STRN3: variants seen among roughly 807,000 people sequenced by gnomAD.
STRN3 encodes striatin-3.
In STRN3, 29 loss-of-function variants were observed where a neutral mutation model predicts 95.6. The ratio of observed to expected loss-of-function variants is 0.30; its 90% CI spans 0.23 to 0.41. The LOEUF (loss-of-function observed/expected upper bound fraction) is 0.41. Among genes scored for constraint, STRN3 ranks in the 10% least tolerant of loss-of-function variants. STRN3 has a pLI of 1.00. For synonymous variants in STRN3, 331 were observed against 357.6 expected (o/e 0.93, Z 0.84); for missense variants, 890 against 972.1 (o/e 0.92, Z 1.12).
At chr14:31,024,696 C>T (rs1297523185) in intron 1 of STRN3, among the ~76,000 whole-genome samples, 1 of 152,134 alleles carries the variant, frequency 6.6e-6, no homozygotes, top group Non-Finnish European at 1.5e-5. Context: ...TTAATCCAAT[C>T]CTCCTCCTTT....
At chr14:30,898,660 T>A (rs147122840) in intron 16 of STRN3, among the ~76,000 whole-genome samples, 33 of 152,288 alleles carry the variant, frequency 2.2e-4, no homozygotes, top group African/African-American at 3.9e-4. Flanking sequence ...AACGAGGACC[T>A]CTCCTTCACT....
chr14:30,978,055 G>C (rs773246085), intron 1 of STRN3, among the ~76,000 whole-genome samples: 5 of 152,024 alleles, frequency 3.3e-5, no homozygotes, highest in Non-Finnish European at 5.9e-5. Context: ...TGCACAGATG[G>C]GCTCTAGGGT....
intron 7 of STRN3, among the ~76,000 whole-genome samples, chr14:30,929,979 A>AAAAAAAAAAAAAT (rs1566441550): frequency 1.4e-5 from 2 of 147,388 alleles, no homozygotes; most frequent in Non-Finnish European, 3.0e-5. Context: ...AAAAAAAAAA[A>AAAAAAAAAAAAAT]CTCAAATTCC....
At chr14:31,005,008 A>G (rs1594571970) in intron 1 of STRN3, among the ~76,000 whole-genome samples, 1 of 152,200 alleles carries the variant, frequency 6.6e-6, no homozygotes, top group East Asian at 1.9e-4. Flanking sequence ...AGGTGAAAAG[A>G]GGAAAGGTAT....
chr14:30,909,499 G>C (rs1342961470), intron 13 of STRN3, among the ~76,000 whole-genome samples: 1 of 151,046 alleles, frequency 6.6e-6, no homozygotes, highest in Non-Finnish European at 1.5e-5. Context: ...GAGAGAGAGA[G>C]ATTGGGTCTC....
At chr14:30,910,434 G>C (rs887097255) in intron 13 of STRN3, among the ~76,000 whole-genome samples, 8 of 152,174 alleles carry the variant, frequency 5.3e-5, no homozygotes, top group African/African-American at 1.9e-4. Flanking sequence ...AAAGAACAAA[G>C]AGTTCATAAA....
intron 7 of STRN3, among the ~76,000 whole-genome samples, chr14:30,933,905 CTTAGT>C (rs1329662177): frequency 1.3e-5 from 2 of 152,102 alleles, no homozygotes; most frequent in Non-Finnish European, 2.9e-5. Flanking sequence ...ATTAGCAATA[CTTAGT>C]TTAAACACAT....
intron 5 of STRN3, among the ~76,000 whole-genome samples, chr14:30,938,932 T>C (rs1878959160): frequency 6.6e-6 from 1 of 152,186 alleles, no homozygotes; most frequent in Admixed American, 6.5e-5. Flanking sequence ...CTCAGGTTTT[T>C]CCCTGCCTTC....
chr14:31,019,246 C>T lies in STRN3; in HGVS notation c.282+6658G>A, dbSNP rs75784919. Among the ~76,000 whole-genome samples, 753 of 152,230 alleles carry T rather than the reference C, an allele frequency of 4.9e-3. 3 individuals carry two copies. The highest frequency in any genetic ancestry group is 0.017 in the African/African-American group (697 of 41,534). ...CTATTTGAACCCAAGAGTTTTGAGGCTGCAGTGAGCTACGATCGCACCACT... is the reference window on the plus strand; with the variant it reads ...CTATTTGAACCCAAGAGTTTTGAGGTTGCAGTGAGCTACGATCGCACCACT... On this transcript the variant is annotated intron_variant, in intron 1 of 17. Coordinates refer to ENST00000357479, the MANE Select transcript of STRN3 (RefSeq NM_001083893.2).
intron 1 of STRN3, among the ~76,000 whole-genome samples, chr14:30,960,261 A>C (rs904721223): frequency 1.3e-5 from 2 of 152,132 alleles, no homozygotes; most frequent in Non-Finnish European, 2.9e-5. Flanking sequence ...GTACTGCTTG[A>C]GCCCAGGAGG....
chr14:30,900,372 A>C (rs1203280244), intron 16 of STRN3, among the ~76,000 whole-genome samples: 2 of 148,226 alleles, frequency 1.3e-5, no homozygotes, highest in Admixed American at 6.7e-5. Context: ...AAAAAAAAAA[A>C]AAACCACACC....
At position 30,913,702 on chromosome 14, in the gene STRN3, G is replaced by A. The variant is rs771078222; in HGVS notation, c.1241-45C>T. 5.0e-6 allele frequency: 8 copies of A among 1,584,794 alleles called. No individual in the cohort carries two copies. The South Asian group carries it at 9.2e-5, about 18-fold the overall frequency. On this transcript the variant is annotated intron_variant, in intron 9 of 17. Coordinates refer to ENST00000357479, the MANE Select transcript of STRN3 (RefSeq NM_001083893.2). ...TTCTTAAATGCTGAAAAATCATACA[G>A]TACAAGACAATATTGTGGGGAAAAT...
intron 10 of STRN3, 24 bp from the exon 11 acceptor site, chr14:30,912,206 T>C (rs374998447): frequency 3.1e-6 from 5 of 1,605,362 alleles, no homozygotes; most frequent in Admixed American, 3.4e-5. Context: ...GCACAATATT[T>C]AGTGGTAAAA....
At chr14:31,017,877 A>T (rs1291500413) in intron 1 of STRN3, among the ~76,000 whole-genome samples, 1 of 151,970 alleles carries the variant, frequency 6.6e-6, no homozygotes, top group Non-Finnish European at 1.5e-5. Context: ...GGAGTTCAAG[A>T]CCAGCCTGGC....
intron 16 of STRN3, 84 bp downstream of exon 16, chr14:30,902,452 G>T: frequency 1.1e-6 from 1 of 918,830 alleles, no homozygotes. Flanking sequence ...TATCTGAAAA[G>T]TCAATATATC....
At chr14:30,955,137 AC>A (rs1879837407) in intron 3 of STRN3, among the ~76,000 whole-genome samples, 1 of 152,118 alleles carries the variant, frequency 6.6e-6, no homozygotes, top group African/African-American at 2.4e-5. Context: ...GTCAAAGAAA[AC>A]CTATGCCACT....
intron 1 of STRN3, among the ~76,000 whole-genome samples, chr14:30,992,795 T>C (rs145944248): frequency 2.6e-5 from 4 of 152,062 alleles, no homozygotes; most frequent in Non-Finnish European, 5.9e-5. Flanking sequence ...GGTAAGATTG[T>C]TTGAGCCCAA....
At chr14:31,008,546 T>C (rs1304235179) in intron 1 of STRN3, among the ~76,000 whole-genome samples, 1 of 152,048 alleles carries the variant, frequency 6.6e-6, no homozygotes, top group Non-Finnish European at 1.5e-5. Context: ...TATTGCCAGA[T>C]AGGATATTTA....
intron 15 of STRN3, among the ~76,000 whole-genome samples, 193 bp from the exon 16 acceptor site, chr14:30,902,836 T>C (rs188033464): frequency 2.6e-5 from 4 of 152,288 alleles, no homozygotes; most frequent in African/African-American, 7.2e-5. Context: ...TTATGTCCTA[T>C]AATATAGACT....
Sources: gnomAD v4.1 joint callset for allele counts (sites outside exome capture counted in the v4.1 genomes callset) on GRCh38, gnomAD v4.1.1 for gene constraint, MANE v1.5 for transcripts, NCBI Gene and HGNC (gene_info 2026-07-23, HGNC 2026-07-21) for gene names.